SNX27: variants seen among roughly 807,000 people sequenced by gnomAD.
SNX27 encodes sorting nexin-27.
In SNX27, 22 loss-of-function variants were observed where a neutral mutation model predicts 71.6. That is an observed-to-expected ratio of 0.31 (90% CI 0.22 to 0.44). The LOEUF is 0.44. Ranked by LOEUF, SNX27 falls within the 20% of genes least tolerant of loss-of-function variation. The pLI is 1.00. For missense variants in SNX27, 531 were observed against 698.6 expected (o/e 0.76, Z 2.70); for synonymous variants, 269 against 277.2 (o/e 0.97, Z 0.29).
At chr1:151,641,690 TATATC>T (rs1437576001) in intron 2 of SNX27, among the ~76,000 whole-genome samples, 1 of 140,260 alleles carries the variant, frequency 7.1e-6, no homozygotes, top group Admixed American at 7.4e-5. Flanking sequence ...ATCTGATATA[TATATC>T]ATATATATGA....
intron 2 of SNX27, among the ~76,000 whole-genome samples, chr1:151,649,419 C>CA (rs1205401873): frequency 2.0e-5 from 3 of 151,720 alleles, no homozygotes; most frequent in African/African-American, 4.8e-5. Flanking sequence ...TCTGTCTCTA[C>CA]AAAAAATGAA....
At chr1:151,687,691 A>G (rs1446823817) in intron 8 of SNX27, among the ~76,000 whole-genome samples, 3 of 152,044 alleles carry the variant, frequency 2.0e-5, no homozygotes, top group Admixed American at 1.3e-4. Context: ...GCTCACGCCT[A>G]TAATCCCAGC....
In SNX27 at chr1:151,697,321, A is replaced by G. The variant is rs1233922453; in HGVS notation, c.*2904A>G. ...CAGTAGTGAACAGAGCTGGGATTCC[A>G]TGCGACAGCTTGAATGCTGACCTTC... On this transcript the variant is annotated 3_prime_UTR_variant, in exon 12 of 12. Coordinates refer to ENST00000458013, the MANE Select transcript of SNX27 (RefSeq NM_001330723.2). The G allele has an allele frequency of 6.6e-6, 1 of 152,228 alleles. No individual in the cohort carries two copies. The highest frequency in any genetic ancestry group is 2.4e-5 in the African/African-American group (1 of 41,470). The allele number at this position is 152,228 out of a possible 1,614,324, so 9.4% of individuals were successfully genotyped here.
intron 2 of SNX27, among the ~76,000 whole-genome samples, chr1:151,642,214 C>G (rs1668809040): frequency 6.6e-6 from 1 of 151,634 alleles, no homozygotes. Context: ...TGGTGAAACC[C>G]CGTCTCTACT....
In SNX27 at chr1:151,660,164, T is replaced by C. The variant is rs570009151; in HGVS notation, c.737-634T>C. 2.0e-5 allele frequency: 3 copies of C among 152,010 alleles called. No homozygotes were observed. The South Asian group carries it at 6.2e-4, about 32-fold the overall frequency. The allele number at this position is 152,010 out of a possible 1,614,324, so 9.4% of individuals were successfully genotyped here. A position where few individuals can be genotyped will look rare whatever the true frequency, so the allele number is the denominator to read the frequency against. On this transcript the variant is annotated intron_variant, in intron 3 of 11. Transcript: ENST00000458013. The stretch of plus-strand genomic sequence containing the variant: ...CATTCTCATGAGAGTGTCAGGAAAT[T>C]AACTTTCTTAAATTTAGAGGATTAG...
chr1:151,626,413 A>G (rs1042838223), intron 1 of SNX27, among the ~76,000 whole-genome samples: 2 of 152,184 alleles, frequency 1.3e-5, no homozygotes, highest in African/African-American at 4.8e-5. Flanking sequence ...ATAATTTGTC[A>G]GAATTATTGC....
rs190886238 is a variant in SNX27 at position 151,649,086 on chromosome 1, C to T, written c.544-9149C>T. Among the ~76,000 whole-genome samples, 104 of 151,756 alleles carry T rather than the reference C, an allele frequency of 6.9e-4. 1 individual carries two copies. Among genetic ancestry groups the T allele is most frequent in the African/African-American group, 2.3e-3 (97 of 41,372 alleles). On this transcript the variant is annotated intron_variant, in intron 2 of 11. Transcript: ENST00000458013. ...CAAGCAATTCTCTGCCTCAGCCTCCCGAGTAGCTGGGATTATAGGCGCCCG... is the reference window on the plus strand; with the variant it reads ...CAAGCAATTCTCTGCCTCAGCCTCCTGAGTAGCTGGGATTATAGGCGCCCG...
At chr1:151,624,592 C>T (rs951339305) in intron 1 of SNX27, among the ~76,000 whole-genome samples, 8 of 151,126 alleles carry the variant, frequency 5.3e-5, no homozygotes, top group Non-Finnish European at 8.8e-5. Context: ...CCAGCACGCC[C>T]GGCTAATTTC....
intron 1 of SNX27, chr1:151,615,598 A>C (rs1667390667): frequency 1.7e-6 from 1 of 597,786 alleles, no homozygotes; most frequent in Admixed American, 6.3e-5. Context: ...AAAGCTTTGC[A>C]TGTTGCTGAA....
At position 151,693,016 on chromosome 1, in the gene SNX27, T is replaced by G. The variant is rs1245623181; in HGVS notation, c.1495T>G (p.Trp499Gly). The change falls in exon 10 of 12, where the codon TGG (tryptophan) becomes GGG (glycine). Residue 499 changes from tryptophan (W) to glycine (G), a missense_variant. Transcript: ENST00000458013. ...EYARGEKKPR[W>G]VKIFTPYFNY... ...TGCACGAGGAGAGAAGAAGCCCCGA[T>G]GGGTTAAAATCTTCACGCCATATGT... 6.2e-7 allele frequency: 1 copy of G among 1,614,110 alleles called. No individual in the cohort carries two copies. The highest frequency in any genetic ancestry group is 8.5e-7 in the Non-Finnish European group (1 of 1,180,012).
chr1:151,664,740 A>G (rs1237150694), intron 5 of SNX27, among the ~76,000 whole-genome samples: 1 of 152,158 alleles, frequency 6.6e-6, no homozygotes, highest in African/African-American at 2.4e-5. Context: ...GATCTCAGGC[A>G]TTTATGAAAT....
intron 1 of SNX27, chr1:151,615,693 C>T (rs1667394433): frequency 1.0e-6 from 1 of 982,886 alleles, no homozygotes; most frequent in African/African-American, 1.8e-5. Context: ...AATGTATGGA[C>T]CTTGATAATT....
intron 1 of SNX27, among the ~76,000 whole-genome samples, chr1:151,623,009 G>T (rs1341918081): frequency 2.0e-5 from 3 of 151,776 alleles, no homozygotes; most frequent in Non-Finnish European, 4.4e-5. Flanking sequence ...GTCTTGCCCT[G>T]TCGCCCAGGC....
At chr1:151,650,376 T>G (rs1320650697) in intron 2 of SNX27, among the ~76,000 whole-genome samples, 1 of 152,120 alleles carries the variant, frequency 6.6e-6, no homozygotes, top group East Asian at 1.9e-4. Context: ...TTTTTACATG[T>G]CTAGGTGTTT....
chr1:151,683,480 C>T (rs1434351862), intron 8 of SNX27, 35 bp downstream of exon 8: 8 of 1,480,152 alleles, frequency 5.4e-6, no homozygotes, highest in Non-Finnish European at 7.5e-6. Flanking sequence ...TTTAAAAATG[C>T]CCCTTCCTAC....
intron 2 of SNX27, among the ~76,000 whole-genome samples, chr1:151,652,109 C>A (rs1294789112): frequency 1.3e-5 from 2 of 151,548 alleles, no homozygotes; most frequent in African/African-American, 2.4e-5. Context: ...GAGAATCAGG[C>A]AGGGAGGTTG....
chr1:151,646,871 G>A (rs77266027), intron 2 of SNX27, among the ~76,000 whole-genome samples: 1 of 106,784 alleles, frequency 9.4e-6, no homozygotes, highest in Non-Finnish European at 1.9e-5. Flanking sequence ...CTGTTGCCCA[G>A]GCTGGACACA....
At chr1:151,685,862 G>A (rs988587769) in intron 8 of SNX27, among the ~76,000 whole-genome samples, 3 of 152,158 alleles carry the variant, frequency 2.0e-5, no homozygotes, top group African/African-American at 7.2e-5. Flanking sequence ...GTATCAGCAG[G>A]CTGACATAGA....
In SNX27 at chr1:151,694,369, G is replaced by A. The variant is rs1256673438; in HGVS notation, c.1579-1G>A. 3.2e-6 allele frequency: 5 copies of A among 1,547,254 alleles called. No individual in the cohort carries two copies. The highest frequency in any genetic ancestry group is 4.4e-6 in the Non-Finnish European group (5 of 1,146,018). On this transcript the variant is annotated splice_acceptor_variant, in intron 11 of 11. Coordinates refer to ENST00000458013, the MANE Select transcript of SNX27 (RefSeq NM_001330723.2). LOFTEE classifies it high-confidence loss of function. ...ATAACTCTTTTTTTTTTTCCTTTCA[G>A]AACATTTTCCAGATGGCGAGGTCAC...
Sources: gnomAD v4.1 joint callset for allele counts (sites outside exome capture counted in the v4.1 genomes callset) on GRCh38, gnomAD v4.1.1 for gene constraint, MANE v1.5 for transcripts, NCBI Gene and HGNC (gene_info 2026-07-23, HGNC 2026-07-21) for gene names.